Variants in PCYT2 observed in about 807,000 individuals in gnomAD.
PCYT2 encodes phosphate cytidylyltransferase 2, ethanolamine.
PCYT2 carries 33 observed loss-of-function variants against 50.0 expected under a neutral mutation model. The observed-to-expected ratio is 0.66, with a 90% CI of 0.50 to 0.88. PCYT2 has a LOEUF of 0.88. PCYT2 is among the 40% of genes least tolerant of loss of function. The pLI is 0.00. For missense variants in PCYT2, 430 were observed against 519.7 expected (o/e 0.83, Z 1.68); for synonymous variants, 240 against 203.7 (o/e 1.18, Z -1.52).
chr17:81,907,105 A>G lies in PCYT2; in HGVS notation c.538-207T>C, dbSNP rs953159549. ...CAGGCACCGCAGCAGACACCACTTC[A>G]GCCCAGCAAGCGACCACCAGGAGGA... On this transcript the variant is annotated intron_variant, in intron 6 of 12. Transcript: ENST00000538936. 9 of 1,155,542 alleles carry G rather than the reference A, an allele frequency of 7.8e-6. No individual in the cohort carries two copies. The African/African-American group carries it at 9.3e-5, about 12-fold the overall frequency. 71.6% of individuals were successfully genotyped at this position (1,155,542 alleles called of 1,614,324 possible). A position where few individuals can be genotyped will look rare whatever the true frequency, so the allele number is the denominator to read the frequency against.
chr17:81,906,778 C>G lies in PCYT2; in HGVS notation c.658G>C (p.Gly220Arg), dbSNP rs142427972. 2.5e-6 allele frequency: 4 copies of G among 1,613,224 alleles called. No homozygotes were observed. In the African/African-American group the frequency reaches 5.3e-5, roughly 22 times the overall value. The change falls in exon 7 of 13, where the codon GGT becomes CGT. Residue 220 changes from glycine to arginine, a missense_variant. Gly to Arg is a moderately radical substitution (Grantham distance 125). This residue lies in a region of PCYT2 where 248 missense variants were observed against 300.2 expected (regional missense o/e 0.83). Transcript: ENST00000538936. ...QPGETVIYVA[G>R]AFDLFHIGHV... is the part of the protein sequence containing the mutation. ...AGGATACGGAACAGGTCGAAGGCACCAGCCACATAGATGACTGTCTCCCCT... is the reference window on the plus strand; with the variant it reads ...AGGATACGGAACAGGTCGAAGGCACGAGCCACATAGATGACTGTCTCCCCT...
At position 81,902,686 on chromosome 17, in the gene PCYT2, A is replaced by T; in HGVS notation, c.*2147T>A. On this transcript the variant is annotated 3_prime_UTR_variant, in exon 13 of 13. Coordinates refer to ENST00000538936, the MANE Select transcript of PCYT2 (RefSeq NM_002861.5). Reference sequence around the variant, plus strand: ...CGAGCGGCTCCCCGACGGCCGCGGGACCTACCAGTGCAAGGCGAACGTCTT... The same window carrying T: ...CGAGCGGCTCCCCGACGGCCGCGGGTCCTACCAGTGCAAGGCGAACGTCTT... 1 of 1,608,670 alleles carries T rather than the reference A, an allele frequency of 6.2e-7. No homozygotes were observed. The highest frequency in any genetic ancestry group is 8.5e-7 in the Non-Finnish European group (1 of 1,178,750).
At position 81,905,101 on chromosome 17, in the gene PCYT2, G is replaced by C. The variant is rs1249629973; in HGVS notation, c.1023C>G (p.Thr341=). 1.9e-6 allele frequency: 3 copies of C among 1,613,138 alleles called. No individual in the cohort carries two copies. Among genetic ancestry groups the C allele is most frequent in the Middle Eastern group, 1.6e-4 (1 of 6,084 alleles). The change falls in exon 12 of 13, where the codon ACC becomes ACG. Residue 341 remains threonine (T), a synonymous_variant. Transcript: ENST00000538936. ...TGATCCGCTGGACGATGAGGTCTGT[G>C]GTGAGGTTGCTGCCACTGTCAATCT... ...FRQIDSGSNL[T]TDLIVQRIIT...
rs1348865048 is a variant in PCYT2, at chr17:81,902,230, G to A, written c.*2603C>T. The A allele has an allele frequency of 2.5e-6, 3 of 1,220,254 alleles. No individual in the cohort carries two copies. The highest frequency in any genetic ancestry group is 3.1e-6 in the Non-Finnish European group (3 of 980,908). The allele number at this position is 1,220,254 out of a possible 1,614,324, so 75.6% of individuals were successfully genotyped here. A position where few individuals can be genotyped will look rare whatever the true frequency, so the allele number is the denominator to read the frequency against. ...CAGATATAAGGCGGCCCAGGCGGTG[G>A]CTGCTCCGAGCCCGGACGCCGCCGC... On this transcript the variant is annotated 3_prime_UTR_variant, in exon 13 of 13. Coordinates refer to ENST00000538936, the MANE Select transcript of PCYT2 (RefSeq NM_002861.5).
Position 81,902,956 on chromosome 17 carries a change from G to A in PCYT2, c.*1877C>T, listed in dbSNP as rs2040021788. 3.8e-6 allele frequency: 2 copies of A among 530,108 alleles called. No individual in the cohort carries two copies. The allele number at this position is 530,108 out of a possible 1,614,324, so 32.8% of individuals were successfully genotyped here. On this transcript the variant is annotated 3_prime_UTR_variant, in exon 13 of 13. Transcript: ENST00000538936. ...CCAGGCCACGAGGGGAACGGGACCT[G>A]GAAATCCCCAAGCCTGGGTATGAGA...
rs929663474 is a variant in PCYT2 at position 81,903,472 on chromosome 17, T to A, written c.*1361A>T. ...GCAGCACTGCAGGGCCTTTCTACCCTCCCCAAGCCTGGGGCCCAGGCAGCC... is the reference window on the plus strand; with the variant it reads ...GCAGCACTGCAGGGCCTTTCTACCCACCCCAAGCCTGGGGCCCAGGCAGCC... On this transcript the variant is annotated 3_prime_UTR_variant, in exon 13 of 13. Coordinates refer to ENST00000538936, the MANE Select transcript of PCYT2 (RefSeq NM_002861.5). The A allele has an allele frequency of 1.3e-5, 2 of 152,298 alleles. No homozygotes were observed. Among genetic ancestry groups the A allele is most frequent in the African/African-American group, 4.8e-5 (2 of 41,404 alleles). 9.4% of individuals were successfully genotyped at this position (152,298 alleles called of 1,614,324 possible).
At position 81,908,582 on chromosome 17, in the gene PCYT2, C is replaced by A; in HGVS notation, c.393G>T (p.Gln131His). 2 of 1,613,550 alleles carry A rather than the reference C, an allele frequency of 1.2e-6. No homozygotes were observed. The highest frequency in any genetic ancestry group is 1.7e-6 in the Non-Finnish European group (2 of 1,179,674). Residue 131 changes from glutamine (Q) to histidine (H), a missense_variant, in exon 4 of 13, where the codon CAG becomes CAT. Transcript: ENST00000538936. ...DGRDTYEEVK[Q>H]AGRYRECKRT... ...TGGAGACTCACCTGTACCTCCCAGCCTGCTTTACTTCCTCATAGGTGTCCC... is the reference window on the plus strand; with the variant it reads ...TGGAGACTCACCTGTACCTCCCAGCATGCTTTACTTCCTCATAGGTGTCCC...
At chr17:81,909,924 C>G (rs564397849) in intron 1 of PCYT2, among the ~76,000 whole-genome samples, 1 of 152,300 alleles carries the variant, frequency 6.6e-6, no homozygotes, top group South Asian at 2.1e-4. Flanking sequence ...GCCACGTGTC[C>G]TATCCCCTCA....
Position 81,905,709 on chromosome 17 carries a change from G to A in PCYT2, c.864C>T (p.Ala288=). 1 of 1,613,636 alleles carries A rather than the reference G, an allele frequency of 6.2e-7. No individual in the cohort carries two copies. The highest frequency in any genetic ancestry group is 8.5e-7 in the Non-Finnish European group (1 of 1,179,972). The change falls in exon 10 of 13, where the codon GCC becomes GCT. Residue 288 remains alanine (A), a synonymous_variant. Transcript: ENST00000538936. ...GGAGCTCTGCTGTGACCGCGTACGG[G>A]GCTCCAATCACCACTTCTGACACGT... is the stretch of plus-strand genomic sequence containing the variant. ...CRYVSEVVIG[A]PYAVTAELLS... is the part of the protein sequence containing the mutation.
intron 9 of PCYT2, 83 bp downstream of exon 9, chr17:81,906,017 C>A (rs1376204228): frequency 2.4e-6 from 3 of 1,266,306 alleles, no homozygotes; most frequent in Non-Finnish European, 3.3e-6. Context: ...AGCCCCCCTG[C>A]CCTGGCTCAG....
Position 81,907,586 on chromosome 17 carries a change from C to G in PCYT2, c.505G>C (p.Glu169Gln). Reference protein sequence around the residue: ...AHHSSQEMSSEYREYADSFGK... With the variant: ...AHHSSQEMSSQYREYADSFGK... Reference sequence around the variant, plus strand: ...AAACTGTCTGCATACTCCCGGTACTCAGAGGACATCTCCTGCACAGAAGGT... The same window carrying G: ...AAACTGTCTGCATACTCCCGGTACTGAGAGGACATCTCCTGCACAGAAGGT... The change falls in exon 6 of 13, where the codon GAG becomes CAG. Residue 169 changes from glutamate to glutamine, a missense_variant. Glu to Gln is a conservative substitution (Grantham distance 29, BLOSUM62 2). Transcript: ENST00000538936. 1 of 1,611,946 alleles carries G rather than the reference C, an allele frequency of 6.2e-7. No individual in the cohort carries two copies. Among genetic ancestry groups the G allele is most frequent in the Non-Finnish European group, 8.5e-7 (1 of 1,179,478 alleles).
At chr17:81,910,373 G>C (rs1213868688) in intron 1 of PCYT2, among the ~76,000 whole-genome samples, 1 of 152,234 alleles carries the variant, frequency 6.6e-6, no homozygotes, top group African/African-American at 2.4e-5. Context: ...AGCCCACACA[G>C]TGCACAGAGT....
Position 81,911,305 on chromosome 17 carries a change from C to A in PCYT2, c.51G>T (p.Pro17=), listed in dbSNP as rs1352672394. The part of the protein sequence containing the change: ...GAAGGAEQPG[P]GGRRAVRVWC... ...ACACCCTCACGGCGCGCCTGCCCCC[C>A]GGGCCCGGCTGCTCTGCGCCGCCTG... Residue 17 remains proline (P), a synonymous_variant, in exon 1 of 13, where the codon CCG becomes CCT. Coordinates refer to ENST00000538936, the MANE Select transcript of PCYT2 (RefSeq NM_002861.5). The A allele has an allele frequency of 1.8e-6, 2 of 1,138,608 alleles. No individual in the cohort carries two copies. The highest frequency in any genetic ancestry group is 2.1e-5 in the South Asian group (1 of 47,518). The allele number at this position is 1,138,608 out of a possible 1,614,324, so 70.5% of individuals were successfully genotyped here.
chr17:81,908,894 C>T lies in PCYT2; in HGVS notation c.322G>A (p.Asp108Asn). The change falls in exon 3 of 13, where the codon GAC (aspartate) becomes AAC (asparagine). Residue 108 changes from aspartate (D) to asparagine (N), a missense_variant. By Grantham distance (23) the Asp-to-Asn change is conservative (BLOSUM62 1). Transcript: ENST00000538936. ...TLETLDKYNC[D>N]FCVHGNDITL... ...CACTCACTGCCGTGAACACAGAAGTCACAGTTGTATTTGTCCAGGGTCTCT... is the reference window on the plus strand; with the variant it reads ...CACTCACTGCCGTGAACACAGAAGTTACAGTTGTATTTGTCCAGGGTCTCT... 6.2e-7 allele frequency: 1 copy of T among 1,613,872 alleles called. No homozygotes were observed. The highest frequency in any genetic ancestry group is 2.2e-5 in the East Asian group (1 of 44,890).
In PCYT2 at chr17:81,902,993, T is replaced by A. The variant is rs943221441; in HGVS notation, c.*1840A>T. On this transcript the variant is annotated 3_prime_UTR_variant, in exon 13 of 13. Coordinates refer to ENST00000538936, the MANE Select transcript of PCYT2 (RefSeq NM_002861.5). ...GCCTGGGTATGAGAAGGCAGCCGAG[T>A]GTGCGGCGGCAGGGCAAGGTTGGCC... 37 of 480,450 alleles carry A rather than the reference T, an allele frequency of 7.7e-5. No homozygotes were observed. The highest frequency in any genetic ancestry group is 1.2e-4 in the Non-Finnish European group (32 of 275,354). 29.8% of individuals were successfully genotyped at this position (480,450 alleles called of 1,614,324 possible). A position where few individuals can be genotyped will look rare whatever the true frequency, so the allele number is the denominator to read the frequency against.
Position 81,906,755 on chromosome 17 carries a change from G to A in PCYT2, c.676+5C>T, listed in dbSNP as rs975813984. ...GTAGGGGAGCAGCAGAGGCCCAGAG[G>A]ATACGGAACAGGTCGAAGGCACCAG... On this transcript the variant is annotated splice_donor_5th_base_variant and intron_variant, in intron 7 of 12. Transcript: ENST00000538936. 7 of 1,612,456 alleles carry A rather than the reference G, an allele frequency of 4.3e-6. No individual in the cohort carries two copies. The highest frequency in any genetic ancestry group is 2.5e-6 in the Non-Finnish European group (3 of 1,179,620).
intron 7 of PCYT2, 103 bp downstream of exon 7, chr17:81,906,655 TGC>T (rs1340432338): frequency 6.3e-7 from 1 of 1,581,302 alleles, no homozygotes; most frequent in Non-Finnish European, 8.7e-7. Flanking sequence ...GCTGCTCCCC[TGC>T]AAACCAGCCA....
At chr17:81,905,568 C>T in intron 10 of PCYT2, 102 bp downstream of exon 10, 3 of 1,422,804 alleles carry the variant, frequency 2.1e-6, no homozygotes, top group East Asian at 4.6e-5. Flanking sequence ...GCCCAGGTAC[C>T]TCCTGGGCCC....
Position 81,902,612 on chromosome 17 carries a change from C to G in PCYT2, c.*2221G>C, listed in dbSNP as rs755482135. 1.3e-6 allele frequency: 2 copies of G among 1,569,100 alleles called. No homozygotes were observed. The highest frequency in any genetic ancestry group is 2.8e-5 in the African/African-American group (2 of 72,098). ...CGGCCCCTCAGCCTTTGCTTGCCTGCCCCCCAGGCTGTGTGCGTCCAGGAC... is the reference window on the plus strand; with the variant it reads ...CGGCCCCTCAGCCTTTGCTTGCCTGGCCCCCAGGCTGTGTGCGTCCAGGAC... On this transcript the variant is annotated 3_prime_UTR_variant, in exon 13 of 13. Transcript: ENST00000538936.
Sources: gnomAD v4.1 joint callset for allele counts (sites outside exome capture counted in the v4.1 genomes callset) on GRCh38, gnomAD v4.1.1 for gene constraint, gnomAD v4.1.1 regional missense constraint, MANE v1.5 for transcripts, NCBI Gene and HGNC (gene_info 2026-07-23, HGNC 2026-07-21) for gene names.